The following PRH1 variants were observed in gnomAD, a reference collection of about 807,000 sequenced individuals.
The protein encoded by PRH1 is salivary acidic proline-rich phosphoprotein 1/2.
In PRH1, 7 loss-of-function variants were observed where a neutral mutation model predicts 7.9. That is an observed-to-expected ratio of 0.89 (90% CI 0.50 to 1.67). PRH1 has a LOEUF of 1.67. Ranked by LOEUF, PRH1 falls within the 40% of genes most tolerant of loss-of-function variation. The pLI, the probability that PRH1 is intolerant of heterozygous loss-of-function variation, is 0.00. For missense variants in PRH1, 109 were observed against 223.6 expected, an observed-to-expected ratio of 0.49 and a Z score of 3.27; for synonymous variants, 45 against 80.8, an observed-to-expected ratio of 0.56 and a Z score of 2.38.
rs2597997 is a variant in PRH1 at position 11,055,951 on chromosome 12, C to T, written n.124-8763G>A. Among the ~76,000 whole-genome samples the T allele has an allele frequency of 1.3e-4, 16 of 122,952 alleles. No homozygotes were observed. The East Asian group carries it at 2.6e-3, about 20-fold the overall frequency. The allele number at this position is 122,952 out of a possible 152,430, so 80.7% of individuals were successfully genotyped here. On this transcript the variant is annotated intron_variant and non_coding_transcript_variant, in intron 1 of 4. Transcript: ENST00000541977. Reference sequence around the variant, plus strand: ...GGAAGGCCAATATTCCTAAAAATCTCGTTGCTGCCAACTAATAATTTTGTA... The same window carrying T: ...GGAAGGCCAATATTCCTAAAAATCTTGTTGCTGCCAACTAATAATTTTGTA...
chr12:10,967,640 T>C (rs569371208), intron 2 of PRH1, among the ~76,000 whole-genome samples: 127 of 152,248 alleles, frequency 8.3e-4, no homozygotes, highest in Non-Finnish European at 1.3e-3. Flanking sequence ...TTTTGTTTTG[T>C]TTTGTTTTGT....
Position 11,061,851 on chromosome 12 carries a change from G to A in PRH1, n.124-14663C>T, listed in dbSNP as rs765129664. 76 of 1,614,022 alleles carry A rather than the reference G, an allele frequency of 4.7e-5. No homozygotes were observed. In the Admixed American group the frequency reaches 1.3e-3, roughly 27 times the overall value. The stretch of plus-strand genomic sequence containing the variant: ...CTTTTGTCCATATAATCTGATTCAT[G>A]TTTATCACAAAAAGATGACAAACCA... On this transcript the variant is annotated intron_variant and non_coding_transcript_variant, in intron 1 of 4. Coordinates refer to the PRH1 transcript ENST00000541977.
chr12:10,890,756 TG>T (rs1949560386), intron 2 of PRH1, among the ~76,000 whole-genome samples: 1 of 150,572 alleles, frequency 6.6e-6, no homozygotes, highest in Non-Finnish European at 1.5e-5. Context: ...GTGTGCCTGT[TG>T]TCCTAGTCAT....
At chr12:11,170,315 G>C (rs7969625) in intron 1 of PRH1, among the ~76,000 whole-genome samples, 69,229 of 152,066 alleles carry the variant, frequency 0.46, 16,555 homozygotes, top group Non-Finnish European at 0.53. Context: ...GGGAGGCTGA[G>C]GCGGGCAGAT....
chr12:11,119,573 A>AT (rs1313167281), downstream of PRH1, among the ~76,000 whole-genome samples: 1 of 152,176 alleles, frequency 6.6e-6, no homozygotes, highest in Non-Finnish European at 1.5e-5. Context: ...TTAAAAATAC[A>AT]TTAAAAAAAA....
chr12:11,019,326 A>G (rs945750605), intron 1 of PRH1, among the ~76,000 whole-genome samples: 16 of 151,372 alleles, frequency 1.1e-4, no homozygotes, highest in African/African-American at 3.4e-4. Flanking sequence ...AAATCATATC[A>G]ACATCACGAC....
At chr12:10,908,408 A>G in intron 2 of PRH1, 1 of 1,612,972 alleles carries the variant, frequency 6.2e-7, no homozygotes, top group African/African-American at 1.3e-5. Context: ...CCCATACCTT[A>G]GCTGCCACCA....
At chr12:11,171,206 C>T (rs1947829928) in intron 1 of PRH1, 1 of 430,142 alleles carries the variant, frequency 2.3e-6, no homozygotes, top group Non-Finnish European at 3.9e-6. Flanking sequence ...CTACGCGCCG[C>T]ACTGCACCGA....
intron 1 of PRH1, among the ~76,000 whole-genome samples, chr12:11,163,326 A>T (rs1290001250): frequency 6.6e-6 from 1 of 152,052 alleles, no homozygotes; most frequent in East Asian, 1.9e-4. Context: ...TTAAATAATC[A>T]CTAAAAATTA....
At chr12:11,112,887 A>T (rs569897511) in intron 1 of PRH1, among the ~76,000 whole-genome samples, 1 of 152,322 alleles carries the variant, frequency 6.6e-6, no homozygotes, top group South Asian at 2.1e-4. Flanking sequence ...ACAGGATTGT[A>T]TATTTAGAAA....
At chr12:11,040,719 T>C (rs1056898718) in intron 1 of PRH1, among the ~76,000 whole-genome samples, 3 of 152,158 alleles carry the variant, frequency 2.0e-5, no homozygotes, top group Admixed American at 2.0e-4. Flanking sequence ...TTTTAAAAAA[T>C]AGCTACAACA....
At chr12:11,120,295 C>CAA, downstream of PRH1, among the ~76,000 whole-genome samples, 1 of 152,232 alleles carries the variant, frequency 6.6e-6, no homozygotes, top group Admixed American at 6.5e-5. Flanking sequence ...TAACTGAAAT[C>CAA]AATTTTATTA....
intron 1 of PRH1, among the ~76,000 whole-genome samples, chr12:11,042,064 A>G (rs1591873490): frequency 6.6e-6 from 1 of 152,264 alleles, no homozygotes; most frequent in South Asian, 2.1e-4. Flanking sequence ...TGTATCTTAA[A>G]GAACTAGAAA....
chr12:11,084,119 A>G (rs796814788), intron 1 of PRH1, among the ~76,000 whole-genome samples: 26,570 of 93,032 alleles, frequency 0.29, 2,111 homozygotes, highest in Non-Finnish European at 0.37. Context: ...AGCCAACAGG[A>G]GAAGGACACA....
chr12:11,108,735 G>C (rs1361544313), intron 1 of PRH1, among the ~76,000 whole-genome samples: 1 of 152,120 alleles, frequency 6.6e-6, no homozygotes, highest in East Asian at 1.9e-4. Flanking sequence ...GCATAAAACT[G>C]AGCGATCATT....
chr12:10,987,039 A>G (rs1939679290), intron 1 of PRH1: 1 of 437,244 alleles, frequency 2.3e-6, no homozygotes, highest in Non-Finnish European at 4.0e-6. Flanking sequence ...CTAATGGATG[A>G]GTTTGATGTC....
intron 1 of PRH1, among the ~76,000 whole-genome samples, chr12:11,002,001 T>A (rs1333745333): frequency 6.6e-6 from 1 of 152,154 alleles, no homozygotes; most frequent in Non-Finnish European, 1.5e-5. Flanking sequence ...AAATCTTTCC[T>A]ATAGTGTTCC....
intron 1 of PRH1, among the ~76,000 whole-genome samples, chr12:11,108,216 G>A (rs1945485077): frequency 6.6e-6 from 1 of 152,168 alleles, no homozygotes; most frequent in South Asian, 2.1e-4. Context: ...GGACATTAAT[G>A]GGCAATAAGT....
intron 1 of PRH1, among the ~76,000 whole-genome samples, chr12:11,170,505 C>T (rs1425941092): frequency 2.0e-5 from 3 of 152,202 alleles, no homozygotes; most frequent in Non-Finnish European, 4.4e-5. Context: ...CGAGATCGCG[C>T]CACTGCACTC....
Sources: gnomAD v4.1 joint callset for allele counts (sites outside exome capture counted in the v4.1 genomes callset) on GRCh38, gnomAD v4.1.1 for gene constraint, MANE v1.5 for transcripts, NCBI Gene and HGNC (gene_info 2026-07-23, HGNC 2026-07-21) for gene names.